GABRA5: variants seen among roughly 807,000 people sequenced by gnomAD.
The protein encoded by GABRA5 is gamma-aminobutyric acid receptor subunit alpha-5.
GABRA5 carries 18 observed loss-of-function variants against 47.3 expected under a neutral mutation model. The observed-to-expected ratio is 0.38, with a 90% CI of 0.26 to 0.56. The LOEUF (loss-of-function observed/expected upper bound fraction) is 0.56. Among genes scored for constraint, GABRA5 ranks in the 20% least tolerant of loss-of-function variants. GABRA5 has a pLI of 0.71. For missense variants in GABRA5, 365 were observed against 599.3 expected, an observed-to-expected ratio of 0.61 and a Z score of 4.08; for synonymous variants, 237 against 229.3, an observed-to-expected ratio of 1.03 and a Z score of -0.30.
intron 8 of GABRA5, among the ~76,000 whole-genome samples, chr15:26,938,746 C>T (rs554523482): frequency 1.3e-5 from 2 of 152,354 alleles, no homozygotes; most frequent in South Asian, 4.1e-4. Flanking sequence ...GCACTGCGGG[C>T]CTGTCCAGGC....
chr15:26,915,910 T>C (rs1202908325), intron 7 of GABRA5, among the ~76,000 whole-genome samples: 2 of 152,144 alleles, frequency 1.3e-5, no homozygotes, highest in Non-Finnish European at 2.9e-5. Context: ...ACTGGCAGAG[T>C]AACACCAGTT....
At chr15:26,882,181 T>G (rs2140254217) in intron 4 of GABRA5, among the ~76,000 whole-genome samples, 1 of 152,292 alleles carries the variant, frequency 6.6e-6, no homozygotes, top group Middle Eastern at 3.4e-3. Flanking sequence ...AGAGGAGCCC[T>G]AAGCTGCTGT....
At chr15:26,935,539 C>T (rs1034187482) in intron 7 of GABRA5, among the ~76,000 whole-genome samples, 2 of 152,230 alleles carry the variant, frequency 1.3e-5, no homozygotes, top group Non-Finnish European at 2.9e-5. Context: ...TGCTCAGGCA[C>T]GTGCCCCTGG....
intron 6 of GABRA5, among the ~76,000 whole-genome samples, chr15:26,890,426 ATTTTT>A (rs201726196): frequency 3.1e-5 from 4 of 128,578 alleles, no homozygotes; most frequent in Non-Finnish European, 3.2e-5. Context: ...AGTCACTTCA[ATTTTT>A]TTTTTTTTTT....
chr15:26,904,416 T>G (rs1419593038), intron 6 of GABRA5, among the ~76,000 whole-genome samples: 1 of 152,154 alleles, frequency 6.6e-6, no homozygotes, highest in African/African-American at 2.4e-5. Context: ...TGCTTTGTTC[T>G]TTTTGCTTAG....
At chr15:26,873,423 A>G (rs1001170229) in intron 3 of GABRA5, among the ~76,000 whole-genome samples, 1 of 152,202 alleles carries the variant, frequency 6.6e-6, no homozygotes, top group Non-Finnish European at 1.5e-5. Flanking sequence ...CAATTTTAAT[A>G]TGTGGGAGCT....
chr15:26,930,006 C>CTTTTTTTTTTTTTTTTTTTTTTTTTTTTT (rs72082419), intron 7 of GABRA5, among the ~76,000 whole-genome samples: 3 of 113,414 alleles, frequency 2.6e-5, no homozygotes, highest in South Asian at 3.0e-4. Context: ...TCTTCTTCTT[C>CTTTTTTTTTTTTTTTTTTTTTTTTTTTTT]TTTTTTTTTT....
In GABRA5 at chr15:26,924,970, A is replaced by C. The variant is rs142423697; in HGVS notation, c.580+10085A>C. 1.4e-3 allele frequency among the ~76,000 whole-genome samples: 220 copies of C among 152,254 alleles called. 6 individuals carry two copies. In the East Asian group the frequency reaches 0.038, roughly 26 times the overall value. On this transcript the variant is annotated intron_variant, in intron 7 of 10. Transcript: ENST00000335625. The stretch of plus-strand genomic sequence containing the variant: ...ATCTGCCTGCTTCTTTCTACCATTC[A>C]GATTTTTCCTACATTTATTTTATGT...
At chr15:26,911,603 G>A (rs1040315248) in intron 6 of GABRA5, among the ~76,000 whole-genome samples, 2 of 152,132 alleles carry the variant, frequency 1.3e-5, no homozygotes, top group Non-Finnish European at 2.9e-5. Context: ...GAGAGGAGGA[G>A]GAATGAACCA....
chr15:26,889,540 A>G (rs1254499551), intron 6 of GABRA5, among the ~76,000 whole-genome samples: 5 of 151,760 alleles, frequency 3.3e-5, no homozygotes, highest in Non-Finnish European at 5.9e-5. Context: ...ATTGGTAGTC[A>G]ATATCAAATA....
At chr15:26,932,254 A>T (rs1894125844) in intron 7 of GABRA5, among the ~76,000 whole-genome samples, 1 of 152,212 alleles carries the variant, frequency 6.6e-6, no homozygotes. Context: ...ATCTACAAGG[A>T]ACTTAAACAA....
chr15:26,884,098 A>T (rs1330105947), intron 6 of GABRA5, among the ~76,000 whole-genome samples: 1 of 152,078 alleles, frequency 6.6e-6, no homozygotes, highest in African/African-American at 2.4e-5. Context: ...CTGAGGTGGT[A>T]GGATCCCTTG....
rs148132627 is a variant in GABRA5 at position 26,907,913 on chromosome 15, A to G, written c.498-6890A>G. Among the ~76,000 whole-genome samples, 533 of 152,298 alleles carry G rather than the reference A, an allele frequency of 3.5e-3. 3 individuals are homozygous for G. The highest frequency in any genetic ancestry group is 0.012 in the African/African-American group (506 of 41,562). On this transcript the variant is annotated intron_variant, in intron 6 of 10. Transcript: ENST00000335625. ...TCGTGATACTGACTGCATATAATAA[A>G]ACAAATACATCCGTGCATTCTTTTC...
intron 6 of GABRA5, among the ~76,000 whole-genome samples, chr15:26,911,948 G>T (rs1315357614): frequency 6.6e-6 from 1 of 152,182 alleles, no homozygotes; most frequent in African/African-American, 2.4e-5. Context: ...TTATAGTGTT[G>T]TTAGCATCTT....
At chr15:26,908,369 C>T (rs903617928) in intron 6 of GABRA5, among the ~76,000 whole-genome samples, 2 of 152,124 alleles carry the variant, frequency 1.3e-5, no homozygotes, top group Non-Finnish European at 2.9e-5. Context: ...AGCATCCCTA[C>T]TGGTGTGCTG....
rs747013391 is a variant in GABRA5 at position 26,883,289 on chromosome 15, G to T, written c.277-48G>T. 37 of 1,610,600 alleles carry T rather than the reference G, an allele frequency of 2.3e-5. No individual in the cohort carries two copies. In the Admixed American group the frequency reaches 6.0e-4, roughly 26 times the overall value. On this transcript the variant is annotated intron_variant, in intron 5 of 10. Coordinates refer to ENST00000335625, the MANE Select transcript of GABRA5 (RefSeq NM_000810.4). This position sits in a 1 kb window ranked among gnomAD's most constrained non-coding sequence, Gnocchi z 4.8. The stretch of plus-strand genomic sequence containing the variant: ...TTCTTACTCCGCGCCGCAGGCCCCC[G>T]CCCAGGCCCCGTGCCCTCTGACTGC...
chr15:26,914,700 A>C (rs554232110), intron 6 of GABRA5, 103 bp from the exon 7 acceptor site: 1 of 817,354 alleles, frequency 1.2e-6, no homozygotes, highest in African/African-American at 1.7e-5. Context: ...AAGAGACATT[A>C]ATTTTTAAAA....
chr15:26,877,363 T>G (rs1892624402), intron 3 of GABRA5, among the ~76,000 whole-genome samples: 1 of 152,178 alleles, frequency 6.6e-6, no homozygotes. Flanking sequence ...CACACAATGG[T>G]GCCATTTAGA....
At chr15:26,872,221 A>G (rs139198049) in intron 3 of GABRA5, among the ~76,000 whole-genome samples, 1 of 152,346 alleles carries the variant, frequency 6.6e-6, no homozygotes, top group African/African-American at 2.4e-5. Context: ...TTAAATCTTG[A>G]AAAAATAGCT....
Sources: allele counts gnomAD v4.1 joint callset (sites outside exome capture counted in the v4.1 genomes callset), GRCh38; gene constraint gnomAD v4.1.1; non-coding constraint Gnocchi (gnomAD v3.1); transcripts MANE v1.5; gene names NCBI Gene and HGNC (gene_info 2026-07-23, HGNC 2026-07-21).